ZBTB1: variants seen among roughly 807,000 people sequenced by gnomAD.
ZBTB1 encodes the protein zinc finger and BTB domain-containing protein 1.
Under a neutral mutation model 51.6 loss-of-function variants are expected in ZBTB1, and 13 were observed. The observed-to-expected ratio is 0.25, with a 90% CI of 0.16 to 0.40. ZBTB1 has a LOEUF of 0.40. Ranked by LOEUF, ZBTB1 falls within the 10% of genes least tolerant of loss-of-function variation. ZBTB1 has a pLI of 1.00. For synonymous variants in ZBTB1, 240 were observed against 282.2 expected (o/e 0.85, Z 1.50); for missense variants, 567 against 856.5 (o/e 0.66, Z 4.22).
Position 64,510,657 on chromosome 14 carries a change from T to C in ZBTB1, c.-19+5711T>C, listed in dbSNP as rs534688276. Among the ~76,000 whole-genome samples, 16 of 152,280 alleles carry C rather than the reference T, an allele frequency of 1.1e-4. No individual in the cohort carries two copies. The East Asian group carries it at 2.9e-3, about 28-fold the overall frequency. ...TGAGCAGTTTTATGTTGCTTGAACA[T>C]GAAGTTTGAAGCAGGCAGTAACTAA... On this transcript the variant is annotated intron_variant, in intron 1 of 1. Transcript: ENST00000683701.
At chr14:64,506,861 A>G (rs2079666020) in intron 1 of ZBTB1, among the ~76,000 whole-genome samples, 1 of 152,230 alleles carries the variant, frequency 6.6e-6, no homozygotes, top group Non-Finnish European at 1.5e-5. Context: ...TTAGCAGGGC[A>G]TGAGCACAGT....
intron 1 of ZBTB1, among the ~76,000 whole-genome samples, chr14:64,509,864 C>G (rs1035594060): frequency 6.6e-6 from 1 of 151,678 alleles, no homozygotes; most frequent in South Asian, 2.1e-4. Context: ...GTAGTCCCAG[C>G]TACTCTGGAG....
chr14:64,522,416 T>A lies in ZBTB1; in HGVS notation c.912T>A (p.Ser304Arg). 1 of 1,614,052 alleles carries A rather than the reference T, an allele frequency of 6.2e-7. No homozygotes were observed. Among genetic ancestry groups the A allele is most frequent in the Non-Finnish European group, 8.5e-7 (1 of 1,180,008 alleles). Reference sequence around the variant, plus strand: ...CTTCAACCACTGGAAGCAGAAAAAGTAGCACAGTGGAGTCTGAAATAGCAA... The same window carrying A: ...CTTCAACCACTGGAAGCAGAAAAAGAAGCACAGTGGAGTCTGAAATAGCAA... ...DSASTTGSRK[S>R]STVESEIASE... is the part of the protein sequence containing the mutation. The change falls in exon 2 of 2, where the codon AGT becomes AGA. Residue 304 changes from serine to arginine, a missense_variant. This residue lies in a region of ZBTB1 where 329 missense variants were observed against 406.3 expected (regional missense o/e 0.81). Coordinates refer to ENST00000683701, the MANE Select transcript of ZBTB1 (RefSeq NM_001123329.2).
At chr14:64,530,610 A>G (rs570507104) in intron 2 of ZBTB1, among the ~76,000 whole-genome samples, 2 of 152,302 alleles carry the variant, frequency 1.3e-5, no homozygotes, top group African/African-American at 4.8e-5. Context: ...CAAAAAAAAA[A>G]AAAATTAATG....
intron 1 of ZBTB1, among the ~76,000 whole-genome samples, chr14:64,507,831 C>T (rs958992581): frequency 6.6e-6 from 1 of 152,188 alleles, no homozygotes; most frequent in Non-Finnish European, 1.5e-5. Context: ...AGCAAACCCT[C>T]ACCTTTATAG....
chr14:64,516,310 A>G (rs2079785233), intron 1 of ZBTB1, among the ~76,000 whole-genome samples: 1 of 152,270 alleles, frequency 6.6e-6, no homozygotes, highest in Non-Finnish European at 1.5e-5. Flanking sequence ...AGGTGTAACA[A>G]GGACAGAGTT....
intron 1 of ZBTB1, among the ~76,000 whole-genome samples, chr14:64,517,781 A>ATATATATATTT (rs1160337478): frequency 2.4e-5 from 1 of 41,550 alleles, no homozygotes; most frequent in Non-Finnish European, 4.6e-5. Flanking sequence ...ATATATATAT[A>ATATATATATTT]TTTTTTTTTT....
rs2079883652 is a variant in ZBTB1 at position 64,523,983 on chromosome 14, T to G, written c.*337T>G. On this transcript the variant is annotated 3_prime_UTR_variant, in exon 2 of 2. Transcript: ENST00000683701. The surrounding 1 kb of genome is among the most constrained non-coding windows in gnomAD (Gnocchi z 4.5). ...GTGATGACTTCACTATTTCTATGTGTTTTTTTTTTTTTAAGGTTATCCTGT... is the reference window on the plus strand; with the variant it reads ...GTGATGACTTCACTATTTCTATGTGGTTTTTTTTTTTTAAGGTTATCCTGT... 1.2e-5 allele frequency: 5 copies of G among 415,390 alleles called. No homozygotes were observed. Among genetic ancestry groups the G allele is most frequent in the Admixed American group, 7.8e-5 (1 of 12,856 alleles). The allele number at this position is 415,390 out of a possible 1,614,324, so 25.7% of individuals were successfully genotyped here.
In ZBTB1 at chr14:64,522,797, CGAG is replaced by C; in HGVS notation, c.1299_1301del (p.Glu433del). On this transcript the variant is annotated inframe_deletion, in exon 2 of 2. Transcript: ENST00000683701. Reference sequence around the variant, plus strand: ...GTGAGCTGTGTGGACTTACAATAACCGAGGAGGACCTGTCATCTCATTACTTAG... The same window carrying C: ...GTGAGCTGTGTGGACTTACAATAACCGAGGACCTGTCATCTCATTACTTAG... The C allele has an allele frequency of 6.2e-7, 1 of 1,614,128 alleles. No homozygotes were observed. Among genetic ancestry groups the C allele is most frequent in the Non-Finnish European group, 8.5e-7 (1 of 1,180,014 alleles).
intron 1 of ZBTB1, chr14:64,516,751 G>C (rs562826770): frequency 1.4e-4 from 21 of 152,328 alleles, no homozygotes; most frequent in Non-Finnish European, 2.8e-4. Context: ...GTATACCAAA[G>C]GTAGTCAGTA....
chr14:64,527,610 CA>C (rs1268852597), downstream of ZBTB1, among the ~76,000 whole-genome samples: 289 of 136,190 alleles, frequency 2.1e-3, no homozygotes, highest in African/African-American at 5.6e-3. Context: ...GACTCCATCT[CA>C]AAAAAAAAAA....
At chr14:64,507,301 G>A (rs2079675938) in intron 1 of ZBTB1, among the ~76,000 whole-genome samples, 1 of 152,120 alleles carries the variant, frequency 6.6e-6, no homozygotes, top group Non-Finnish European at 1.5e-5. Flanking sequence ...CTAAAATGGT[G>A]AAATTATTTT....
downstream of ZBTB1, among the ~76,000 whole-genome samples, chr14:64,525,295 G>A (rs373923113): frequency 1.3e-5 from 2 of 152,268 alleles, no homozygotes; most frequent in East Asian, 3.9e-4. Context: ...GAAGTAGGCA[G>A]GGGACGGGTA....
intron 1 of ZBTB1, among the ~76,000 whole-genome samples, chr14:64,520,892 T>G (rs2079853674): frequency 6.6e-6 from 1 of 151,896 alleles, no homozygotes; most frequent in South Asian, 2.1e-4. Context: ...AGACAGAGTC[T>G]TGCTCTGTCA....
At chr14:64,515,037 TTGAGA>T (rs1307060210) in intron 1 of ZBTB1, among the ~76,000 whole-genome samples, 1 of 152,242 alleles carries the variant, frequency 6.6e-6, no homozygotes. Context: ...GTTTTTAAAC[TTGAGA>T]TGAGCCGTTA....
chr14:64,507,920 A>G (rs2079683846), intron 1 of ZBTB1, among the ~76,000 whole-genome samples: 1 of 152,140 alleles, frequency 6.6e-6, no homozygotes, highest in African/African-American at 2.4e-5. Flanking sequence ...CTGTGCTGAT[A>G]TGGGATGGGG....
chr14:64,507,409 A>C (rs1456864085), intron 1 of ZBTB1, among the ~76,000 whole-genome samples: 1 of 152,224 alleles, frequency 6.6e-6, no homozygotes, highest in Non-Finnish European at 1.5e-5. Flanking sequence ...CTCTTTGAAA[A>C]ATTCAGCCTG....
At chr14:64,526,695 CAGT>C (rs1260831728), downstream of ZBTB1, among the ~76,000 whole-genome samples, 4 of 152,126 alleles carry the variant, frequency 2.6e-5, no homozygotes, top group African/African-American at 9.7e-5. Context: ...ACCAAGGCAG[CAGT>C]AGATTAGGAC....
chr14:64,530,464 G>A lies in ZBTB1; in HGVS notation c.1899-1397G>A, dbSNP rs189727775. Among the ~76,000 whole-genome samples, 9 of 152,120 alleles carry A rather than the reference G, an allele frequency of 5.9e-5. No homozygotes were observed. The East Asian group carries it at 1.6e-3, about 26-fold the overall frequency. ...CTACTAAAAATACAAAAAATTAGCC[G>A]GGAGTGGTGGCACATGCCTGTAGTC... On this transcript the variant is annotated intron_variant, in intron 2 of 2. Transcript: ENST00000358738.
Sources: gnomAD v4.1 joint callset for allele counts (sites outside exome capture counted in the v4.1 genomes callset) on GRCh38, gnomAD v4.1.1 for gene constraint, gnomAD v4.1.1 regional missense constraint, Gnocchi (gnomAD v3.1) non-coding constraint, MANE v1.5 for transcripts, NCBI Gene and HGNC (gene_info 2026-07-23, HGNC 2026-07-21) for gene names.